The following SIPA1L2 variants were observed in gnomAD, a reference collection of about 807,000 sequenced individuals.
SIPA1L2 encodes signal induced proliferation associated 1 like 2.
In SIPA1L2, 56 loss-of-function variants were observed where a neutral mutation model predicts 163.9. The observed-to-expected ratio is 0.34, with a 90% CI of 0.28 to 0.43. The LOEUF (loss-of-function observed/expected upper bound fraction) is 0.43, where lower values mean the gene tolerates loss of function less well. Ranked by LOEUF, SIPA1L2 falls within the 20% of genes least tolerant of loss-of-function variation. The probability of loss-of-function intolerance (pLI) is 1.00; values close to 1 mark genes in which losing one functional copy is unlikely to be tolerated. For synonymous variants in SIPA1L2, 877 were observed against 865.7 expected, an observed-to-expected ratio of 1.01 and a Z score of -0.23; for missense variants, 1,974 against 2,193.5, an observed-to-expected ratio of 0.90 and a Z score of 2.00.
At chr1:232,620,951 A>G (rs1662776510) in intron 1 of SIPA1L2, among the ~76,000 whole-genome samples, 1 of 152,238 alleles carries the variant, frequency 6.6e-6, no homozygotes, top group Non-Finnish European at 1.5e-5. Flanking sequence ...AATCCTTTTA[A>G]ATATTTAAAT....
intron 10 of SIPA1L2, among the ~76,000 whole-genome samples, chr1:232,446,356 C>T (rs1345074867): frequency 6.6e-6 from 1 of 152,138 alleles, no homozygotes; most frequent in South Asian, 2.1e-4. Flanking sequence ...CTCCCAGGGA[C>T]CGTAGAAATA....
chr1:232,620,198 A>C (rs1662730117), intron 1 of SIPA1L2, among the ~76,000 whole-genome samples: 1 of 152,012 alleles, frequency 6.6e-6, no homozygotes, highest in Admixed American at 6.6e-5. Flanking sequence ...TTTTTAAATT[A>C]CCATTTTTCT....
At chr1:232,582,841 T>C (rs1019940796) in intron 1 of SIPA1L2, among the ~76,000 whole-genome samples, 2 of 152,232 alleles carry the variant, frequency 1.3e-5, no homozygotes, top group East Asian at 1.9e-4. Flanking sequence ...AATTAAGTTA[T>C]TGTGATTATT....
At chr1:232,552,008 T>G (rs1330017742) in intron 2 of SIPA1L2, among the ~76,000 whole-genome samples, 1 of 151,902 alleles carries the variant, frequency 6.6e-6, no homozygotes, top group Admixed American at 6.6e-5. Context: ...CCTGGCTAAT[T>G]TTTGTATTTT....
chr1:232,591,098 T>C (rs1480269167), intron 1 of SIPA1L2, among the ~76,000 whole-genome samples: 1 of 152,186 alleles, frequency 6.6e-6, no homozygotes, highest in African/African-American at 2.4e-5. Context: ...TCACCGTCTC[T>C]CTTGGCCTTA....
chr1:232,454,346 A>G (rs6662895), intron 10 of SIPA1L2, among the ~76,000 whole-genome samples: 11,946 of 152,248 alleles, frequency 0.078, 785 homozygotes, highest in Admixed American at 0.19. Flanking sequence ...CTAATTCATC[A>G]GCTTCCTTCC....
At chr1:232,434,545 G>A (rs1662439142) in intron 15 of SIPA1L2, among the ~76,000 whole-genome samples, 1 of 152,058 alleles carries the variant, frequency 6.6e-6, no homozygotes, top group Non-Finnish European at 1.5e-5. Flanking sequence ...CGGGAGAACA[G>A]TAAAGCAACA....
At chr1:232,419,404 G>A (rs961042117) in intron 18 of SIPA1L2, among the ~76,000 whole-genome samples, 1 of 152,170 alleles carries the variant, frequency 6.6e-6, no homozygotes, top group African/African-American at 2.4e-5. Context: ...CTCTGACATG[G>A]TCCGGATGTT....
At chr1:232,426,965 G>C (rs768491945) in intron 17 of SIPA1L2, among the ~76,000 whole-genome samples, 3 of 152,214 alleles carry the variant, frequency 2.0e-5, no homozygotes, top group Non-Finnish European at 4.4e-5. Context: ...GAATGTAGCA[G>C]TAAGTCTAAA....
At chr1:232,459,645 T>C (rs1664122881) in intron 10 of SIPA1L2, among the ~76,000 whole-genome samples, 1 of 151,964 alleles carries the variant, frequency 6.6e-6, no homozygotes, top group Non-Finnish European at 1.5e-5. Flanking sequence ...TCTGAGTAGC[T>C]GGGACTACAG....
chr1:232,524,380 C>T lies in SIPA1L2; in HGVS notation c.-269-8772G>A, dbSNP rs116818051. ...CATGTCACACACACAAACACACTCC[C>T]CATGCCGGTGAGGGTCTGGGGGATG... On this transcript the variant is annotated intron_variant, in intron 2 of 22. Coordinates refer to ENST00000674635, the MANE Select transcript of SIPA1L2 (RefSeq NM_020808.5). Among the ~76,000 whole-genome samples the T allele has an allele frequency of 7.0e-3, 1,072 of 152,272 alleles. 12 individuals are homozygous for T. Among genetic ancestry groups the T allele is most frequent in the African/African-American group, 0.023 (973 of 41,544 alleles).
rs1416106947 is a variant in SIPA1L2 at position 232,606,653 on chromosome 1, T to G, written c.-319+23216A>C. On this transcript the variant is annotated intron_variant, in intron 1 of 22. Transcript: ENST00000674635. ...TATATACTATATAATTTATAATATA[T>G]TATTAATACTAAAAAAGATCCTGAA... 7.4e-5 allele frequency among the ~76,000 whole-genome samples: 11 copies of G among 148,902 alleles called. No homozygotes were observed. The East Asian group carries it at 2.1e-3, about 29-fold the overall frequency.
intron 2 of SIPA1L2, among the ~76,000 whole-genome samples, chr1:232,548,333 TA>T (rs1658166532): frequency 6.6e-6 from 1 of 152,128 alleles, no homozygotes; most frequent in African/African-American, 2.4e-5. Context: ...CCTGACTCCC[TA>T]GGGGATATTC....
intron 10 of SIPA1L2, among the ~76,000 whole-genome samples, chr1:232,458,212 G>A (rs1489376414): frequency 6.6e-6 from 1 of 152,144 alleles, no homozygotes; most frequent in Non-Finnish European, 1.5e-5. Flanking sequence ...AGACTCCTAG[G>A]AGGCAAGGGC....
At chr1:232,589,158 A>C (rs560142759) in intron 1 of SIPA1L2, among the ~76,000 whole-genome samples, 68 of 152,358 alleles carry the variant, frequency 4.5e-4, no homozygotes, top group African/African-American at 1.6e-3. Context: ...GTGAGCTAAA[A>C]TTTCCTCACC....
chr1:232,563,864 G>A (rs1227823800), intron 2 of SIPA1L2, among the ~76,000 whole-genome samples: 2 of 151,668 alleles, frequency 1.3e-5, no homozygotes, highest in East Asian at 1.9e-4. Flanking sequence ...ACAGGTGCCC[G>A]CCACCATGCC....
At position 232,512,806 on chromosome 1, in the gene SIPA1L2, A is replaced by T. The variant is rs150424812; in HGVS notation, c.1483+1051T>A. Among the ~76,000 whole-genome samples the T allele has an allele frequency of 5.5e-3, 825 of 148,766 alleles. 10 individuals are homozygous for T. Among genetic ancestry groups the T allele is most frequent in the African/African-American group, 0.02 (766 of 38,292 alleles). ...CATGTATCCCAGAACTTAAAGTAAAAAAAAAAATAAATAAATAAAAGTACA... is the reference window on the plus strand; with the variant it reads ...CATGTATCCCAGAACTTAAAGTAAATAAAAAAATAAATAAATAAAAGTACA... On this transcript the variant is annotated intron_variant, in intron 3 of 22. Coordinates refer to ENST00000674635, the MANE Select transcript of SIPA1L2 (RefSeq NM_020808.5).
chr1:232,446,890 T>G (rs998035746), intron 10 of SIPA1L2, among the ~76,000 whole-genome samples: 1 of 152,236 alleles, frequency 6.6e-6, no homozygotes, highest in African/African-American at 2.4e-5. Flanking sequence ...GCACCTGAAA[T>G]GGACTTGTGT....
intron 17 of SIPA1L2, 66 bp from the exon 18 acceptor site, chr1:232,425,874 G>T: frequency 7.2e-7 from 1 of 1,397,994 alleles, no homozygotes; most frequent in Non-Finnish European, 1.0e-6. Flanking sequence ...GGGCTTGTTG[G>T]ACTAAGTCCA....
Sources: allele counts gnomAD v4.1 joint callset (sites outside exome capture counted in the v4.1 genomes callset), GRCh38; gene constraint gnomAD v4.1.1; transcripts MANE v1.5; gene names NCBI Gene and HGNC (gene_info 2026-07-23, HGNC 2026-07-21).